The following ABCB5 variants were observed in gnomAD, a reference collection of about 807,000 sequenced individuals.
The protein encoded by ABCB5 is ATP-binding cassette sub-family B member 5.
ABCB5 carries 155 observed loss-of-function variants against 144.2 expected under a neutral mutation model. The ratio of observed to expected loss-of-function variants is 1.08; its 90% CI spans 0.94 to 1.23. The LOEUF is 1.23. ABCB5 is among the 50% of genes most tolerant of loss of function. The pLI, the probability that ABCB5 is intolerant of heterozygous loss-of-function variation, is 0.00. For missense variants in ABCB5, 1,830 were observed against 1,520.8 expected (o/e 1.20, Z -3.38); for synonymous variants, 610 against 528.6 (o/e 1.15, Z -2.11).
Position 20,755,635 on chromosome 7 carries a change from GTAGCACA to G in ABCB5, c.*14_*20del, listed in dbSNP as rs1461691358. 1.9e-6 allele frequency: 3 copies of G among 1,612,776 alleles called. No homozygotes were observed. The highest frequency in any genetic ancestry group is 2.5e-6 in the Non-Finnish European group (3 of 1,179,384). On this transcript the variant is annotated 3_prime_UTR_variant, in exon 28 of 28. Coordinates refer to ENST00000404938, the MANE Select transcript of ABCB5 (RefSeq NM_001163941.2). ...CAGTCAGTGCAGTGATGCTGTTGAG[GTAGCACA>G]TATTTTGATGTTCGTGTAATGCAAA... is the stretch of plus-strand genomic sequence containing the variant.
At chr7:20,636,508 G>C (rs1784157931) in intron 5 of ABCB5, among the ~76,000 whole-genome samples, 1 of 151,836 alleles carries the variant, frequency 6.6e-6, no homozygotes, top group Non-Finnish European at 1.5e-5. Flanking sequence ...ACTGAGACCA[G>C]CTGCAATGGC....
chr7:20,687,026 AT>A (rs1170415848), intron 16 of ABCB5, among the ~76,000 whole-genome samples: 2 of 152,092 alleles, frequency 1.3e-5, no homozygotes, highest in Non-Finnish European at 2.9e-5. Context: ...TGCTAATTTT[AT>A]TTTTTTAAGT....
Position 20,714,196 on chromosome 7 carries a change from T to G in ABCB5, c.2422-8820T>G, listed in dbSNP as rs1781590996. On this transcript the variant is annotated intron_variant, in intron 20 of 27. Coordinates refer to ENST00000404938, the MANE Select transcript of ABCB5 (RefSeq NM_001163941.2). ...AAGCAGAAATCCTACCATATGGCATTTTATTTCTACAATTGCATACTGAGT... is the reference window on the plus strand; with the variant it reads ...AAGCAGAAATCCTACCATATGGCATGTTATTTCTACAATTGCATACTGAGT... Among the ~76,000 whole-genome samples, 3 of 152,232 alleles carry G rather than the reference T, an allele frequency of 2.0e-5. No individual in the cohort carries two copies. In the South Asian group the frequency reaches 6.2e-4, roughly 32 times the overall value.
intron 14 of ABCB5, among the ~76,000 whole-genome samples, chr7:20,661,677 G>A (rs1359756213): frequency 1.3e-5 from 2 of 151,672 alleles, no homozygotes; most frequent in East Asian, 3.9e-4. Context: ...TGGGATTACA[G>A]GCACGCACCA....
intron 21 of ABCB5, 113 bp downstream of exon 21, chr7:20,723,332 T>C: frequency 1.8e-6 from 2 of 1,089,418 alleles, no homozygotes; most frequent in Non-Finnish European, 2.7e-6. Flanking sequence ...ATTAACTTCA[T>C]CTCTTAGGGA....
intron 23 of ABCB5, among the ~76,000 whole-genome samples, chr7:20,734,923 T>A (rs1312197256): frequency 6.6e-6 from 1 of 152,212 alleles, no homozygotes; most frequent in Non-Finnish European, 1.5e-5. Flanking sequence ...ATGTACAAAA[T>A]AAGTTTATTT....
rs74764996 is a variant in ABCB5, at chr7:20,675,910, C to T, written c.1708-5595C>T. Reference sequence around the variant, plus strand: ...AAGACATACAAATGGCCAACAAGTACGTGAAAAGATTCTTGACATCACTAG... The same window carrying T: ...AAGACATACAAATGGCCAACAAGTATGTGAAAAGATTCTTGACATCACTAG... On this transcript the variant is annotated intron_variant, in intron 14 of 27. Transcript: ENST00000404938. 5.3e-3 allele frequency among the ~76,000 whole-genome samples: 809 copies of T among 151,982 alleles called. 22 individuals are homozygous for T. Among genetic ancestry groups the T allele is most frequent in the Admixed American group, 0.042 (640 of 15,268 alleles).
In ABCB5 at chr7:20,630,443, TC is replaced by T. The variant is rs1178994985; in HGVS notation, c.259+1606del. Among the ~76,000 whole-genome samples, 12 of 151,924 alleles carry T rather than the reference TC, an allele frequency of 7.9e-5. No individual in the cohort carries two copies. In the East Asian group the frequency reaches 2.1e-3, roughly 27 times the overall value. On this transcript the variant is annotated intron_variant, in intron 4 of 27. Coordinates refer to ENST00000404938, the MANE Select transcript of ABCB5 (RefSeq NM_001163941.2). Reference sequence around the variant, plus strand: ...AAAAATCTTTAAACTCAAAAGTAAATCTTTTACGTGTGCTAATCTTGAGTGG... The same window carrying T: ...AAAAATCTTTAAACTCAAAAGTAAATTTTTACGTGTGCTAATCTTGAGTGG...
intron 5 of ABCB5, among the ~76,000 whole-genome samples, chr7:20,641,339 TTTA>T (rs1170804669): frequency 8.7e-6 from 1 of 114,632 alleles, no homozygotes; most frequent in Admixed American, 9.2e-5. Flanking sequence ...CAAAGATTAT[TTTA>T]TTATTGCAAA....
intron 16 of ABCB5, among the ~76,000 whole-genome samples, chr7:20,695,090 G>C (rs1786361780): frequency 6.6e-6 from 1 of 151,914 alleles, no homozygotes. Flanking sequence ...TTTAAAAAGA[G>C]CAAAGTTGGA....
At chr7:20,695,975 A>C (rs1786401345) in intron 16 of ABCB5, among the ~76,000 whole-genome samples, 1 of 152,036 alleles carries the variant, frequency 6.6e-6, no homozygotes, top group Admixed American at 6.6e-5. Context: ...GGAGTATAAA[A>C]TGCTAAAGCT....
intron 5 of ABCB5, among the ~76,000 whole-genome samples, chr7:20,642,846 A>T (rs1784323187): frequency 6.6e-6 from 1 of 152,144 alleles, no homozygotes; most frequent in African/African-American, 2.4e-5. Flanking sequence ...GACTGCTATC[A>T]TTATTTTTTT....
At chr7:20,643,399 G>T in intron 6 of ABCB5, 24 bp downstream of exon 6, 1 of 1,613,376 alleles carries the variant, frequency 6.2e-7, no homozygotes, top group East Asian at 2.2e-5. Flanking sequence ...ATTGTAGTAC[G>T]TTAGCTTTGT....
intron 5 of ABCB5, among the ~76,000 whole-genome samples, chr7:20,636,966 T>C (rs1784172670): frequency 6.6e-6 from 1 of 152,136 alleles, no homozygotes; most frequent in African/African-American, 2.4e-5. Context: ...TTCTATCCGA[T>C]ACATAGGATA....
At chr7:20,754,779 T>A (rs969352741) in intron 27 of ABCB5, among the ~76,000 whole-genome samples, 1 of 152,194 alleles carries the variant, frequency 6.6e-6, no homozygotes, top group African/African-American at 2.4e-5. Context: ...TTGAATAGTA[T>A]TAGAACTACT....
At chr7:20,735,828 G>A (rs547984203) in intron 23 of ABCB5, among the ~76,000 whole-genome samples, 1 of 152,138 alleles carries the variant, frequency 6.6e-6, no homozygotes, top group Non-Finnish European at 1.5e-5. Context: ...ATGTCTTCTG[G>A]GCAAATTGCA....
chr7:20,743,123 C>G, intron 25 of ABCB5, 49 bp downstream of exon 25: 1 of 1,582,176 alleles, frequency 6.3e-7, no homozygotes, highest in Non-Finnish European at 8.6e-7. Context: ...CAGTCCTATT[C>G]TTAAACATTC....
chr7:20,709,481 T>G (rs1786939760), intron 20 of ABCB5, among the ~76,000 whole-genome samples: 1 of 149,970 alleles, frequency 6.7e-6, no homozygotes, highest in South Asian at 2.1e-4. Flanking sequence ...TGCTGTGGCA[T>G]CTAATTTGAA....
At chr7:20,686,087 T>C (rs912974086) in intron 16 of ABCB5, among the ~76,000 whole-genome samples, 18 of 152,116 alleles carry the variant, frequency 1.2e-4, no homozygotes, top group African/African-American at 3.9e-4. Flanking sequence ...TTACATGATG[T>C]TTTTCCTATG....
Sources: allele counts gnomAD v4.1 joint callset (sites outside exome capture counted in the v4.1 genomes callset), GRCh38; gene constraint gnomAD v4.1.1; transcripts MANE v1.5; gene names NCBI Gene and HGNC (gene_info 2026-07-23, HGNC 2026-07-21).